The following SHROOM4 variants were observed in gnomAD, a reference collection of about 807,000 sequenced individuals.
SHROOM4 encodes shroom family member 4, also known as protein Shroom4.
Under a neutral mutation model 80.3 loss-of-function variants are expected in SHROOM4, and 17 were observed. The ratio of observed to expected loss-of-function variants is 0.21; its 90% CI spans 0.14 to 0.32. The LOEUF (loss-of-function observed/expected upper bound fraction) is 0.32, where lower values mean the gene tolerates loss of function less well. Among genes scored for constraint, SHROOM4 ranks in the 10% least tolerant of loss-of-function variants. SHROOM4 has a pLI of 1.00. For synonymous variants in SHROOM4, 400 were observed against 437.5 expected (o/e 0.91, Z 1.07); for missense variants, 993 against 1,140.3 (o/e 0.87, Z 1.86).
In SHROOM4 at chrX:50,634,287, T is replaced by C; in HGVS notation, c.1786A>G (p.Ile596Val). 1 of 1,211,416 alleles carries C rather than the reference T, an allele frequency of 8.3e-7. No homozygotes were observed. The highest frequency in any genetic ancestry group is 1.1e-6 in the Non-Finnish European group (1 of 895,446). ...TGGAGCTGGGCCTTCCTCCTCTGAA[T>C]TTCATTACGCAGATTGGTAGCAAAA... Reference protein sequence around the residue: ...ERFATNLRNEIQRRKAQLQKS... With the variant: ...ERFATNLRNEVQRRKAQLQKS... Residue 596 changes from isoleucine (I) to valine (V), a missense_variant, in exon 4 of 9, where the codon ATT (isoleucine) becomes GTT (valine). By Grantham distance (29) the Ile-to-Val change is conservative. Coordinates refer to ENST00000376020, the MANE Select transcript of SHROOM4 (RefSeq NM_020717.5).
At position 50,764,259 on chromosome X, in the gene SHROOM4, C is replaced by T. The variant is rs782785665; in HGVS notation, c.117+49643G>A. On this transcript the variant is annotated intron_variant, in intron 1 of 8. Transcript: ENST00000376020. ...GGGATGGTAGCCCCATCTTTTTGAT[C>T]TGTACCTCCTGGTATGGAACTTCTA... Among the ~76,000 whole-genome samples, 606 of 111,060 alleles carry T rather than the reference C, an allele frequency of 5.5e-3. 2 individuals are homozygous for T. Among genetic ancestry groups the T allele is most frequent in the Non-Finnish European group, 9.2e-3 (486 of 52,961 alleles).
In SHROOM4 at chrX:50,589,735, A is replaced by G. The variant is rs781792331; in HGVS notation, c.*6960T>C. 2.1e-4 allele frequency among the ~76,000 whole-genome samples: 23 copies of G among 111,961 alleles called. No homozygotes were observed. The highest frequency in any genetic ancestry group is 3.6e-4 in the Non-Finnish European group (19 of 53,194). On this transcript the variant is annotated 3_prime_UTR_variant, in exon 9 of 9. Coordinates refer to ENST00000376020, the MANE Select transcript of SHROOM4 (RefSeq NM_020717.5). ...GCTATTATGAGTAATGCCACTTTAA[A>G]CATTCATGTTCACGCTTTTGTTTGA...
intron 5 of SHROOM4, among the ~76,000 whole-genome samples, chrX:50,622,036 T>C (rs1472753177): frequency 2.7e-5 from 3 of 112,100 alleles, no homozygotes; most frequent in Non-Finnish European, 5.6e-5. Flanking sequence ...TGTGAGTCAA[T>C]TTCTTCATCT....
chrX:50,788,540 G>A (rs1388668156), intron 1 of SHROOM4, among the ~76,000 whole-genome samples: 9 of 108,478 alleles, frequency 8.3e-5, no homozygotes, highest in East Asian at 2.9e-4. Context: ...CCCGGGAGGC[G>A]GAGCTTGCAG....
intron 6 of SHROOM4, among the ~76,000 whole-genome samples, chrX:50,605,346 A>T (rs1033317189): frequency 7.1e-5 from 8 of 112,542 alleles, no homozygotes. Flanking sequence ...AATCAAAAAA[A>T]TTAGCTATTT....
chrX:50,651,845 T>G, intron 2 of SHROOM4, among the ~76,000 whole-genome samples: 1 of 110,727 alleles, frequency 9.0e-6, no homozygotes, highest in Non-Finnish European at 1.9e-5. Flanking sequence ...TGGTTTTCTG[T>G]TCCTGTGTTA....
At chrX:50,797,285 A>T (rs782217110) in intron 1 of SHROOM4, among the ~76,000 whole-genome samples, 1 of 111,876 alleles carries the variant, frequency 8.9e-6, no homozygotes, top group East Asian at 2.8e-4. Flanking sequence ...AATGCCAATG[A>T]CTAGCAATAC....
At chrX:50,773,512 C>T (rs1557269873) in intron 1 of SHROOM4, among the ~76,000 whole-genome samples, 1 of 112,232 alleles carries the variant, frequency 8.9e-6, no homozygotes, top group Non-Finnish European at 1.9e-5. Flanking sequence ...ACAACAGATA[C>T]AGTACTGTAC....
intron 1 of SHROOM4, among the ~76,000 whole-genome samples, chrX:50,745,050 G>T (rs1338024470): frequency 9.0e-6 from 1 of 111,550 alleles, no homozygotes; most frequent in Non-Finnish European, 1.9e-5. Context: ...TTCAAATAGG[G>T]TTTAGCAGCT....
intron 1 of SHROOM4, among the ~76,000 whole-genome samples, chrX:50,704,780 GA>G (rs1933614495): frequency 9.0e-6 from 1 of 110,979 alleles, no homozygotes; most frequent in Admixed American, 9.6e-5. Context: ...GACGAAGGGA[GA>G]GGGGGTTTGT....
chrX:50,633,884 G>C lies in SHROOM4; in HGVS notation c.2189C>G (p.Pro730Arg). 8.3e-7 allele frequency: 1 copy of C among 1,211,836 alleles called. No homozygotes were observed. The highest frequency in any genetic ancestry group is 1.1e-6 in the Non-Finnish European group (1 of 895,522). The part of the protein sequence containing the change: ...GVRGGHWRWS[P>R]EHNSQPLVAA... ...CACAAGTGGCTGTGAATTATGCTCTGGAGACCATCTCCAATGACCTCCACG... is the reference window on the plus strand; with the variant it reads ...CACAAGTGGCTGTGAATTATGCTCTCGAGACCATCTCCAATGACCTCCACG... Residue 730 changes from proline to arginine, a missense_variant, in exon 4 of 9, where the codon CCA becomes CGA. Pro to Arg is a moderately radical substitution (Grantham distance 103). Transcript: ENST00000376020.
In SHROOM4 at chrX:50,630,673, A is replaced by G. The variant is rs952462287; in HGVS notation, c.2895+2505T>C. The stretch of plus-strand genomic sequence containing the variant: ...CCTAGATTCTACAATTAACATTTTG[A>G]TATATTTGCCTTATCATATATCCAT... On this transcript the variant is annotated intron_variant, in intron 4 of 8. Coordinates refer to ENST00000376020, the MANE Select transcript of SHROOM4 (RefSeq NM_020717.5). Among the ~76,000 whole-genome samples, 3 of 111,976 alleles carry G rather than the reference A, an allele frequency of 2.7e-5. No individual in the cohort carries two copies. The Admixed American group carries it at 2.8e-4, about 11-fold the overall frequency.
intron 2 of SHROOM4, among the ~76,000 whole-genome samples, chrX:50,650,332 A>T (rs1557258503): frequency 8.9e-6 from 1 of 111,903 alleles, no homozygotes; most frequent in Non-Finnish European, 1.9e-5. Flanking sequence ...TACACCACAC[A>T]TGTATTACCT....
Position 50,635,254 on chromosome X carries a change from T to A in SHROOM4, c.819A>T (p.Pro273=), listed in dbSNP as rs1557255661. 1.7e-6 allele frequency: 2 copies of A among 1,203,023 alleles called. No individual in the cohort carries two copies. Among genetic ancestry groups the A allele is most frequent in the Non-Finnish European group, 2.2e-6 (2 of 891,024 alleles). The change falls in exon 4 of 9, where the codon CCA becomes CCT. Residue 273 remains proline, a synonymous_variant. Coordinates refer to ENST00000376020, the MANE Select transcript of SHROOM4 (RefSeq NM_020717.5). ...QSGPAKAVRG[P]PQPPVRRDSL... is the part of the protein sequence containing the mutation. ...TGTCCCGCCTCACTGGAGGTTGTGGTGGGCCCCTGACTGCTTTGGCGGGCC... is the reference window on the plus strand; with the variant it reads ...TGTCCCGCCTCACTGGAGGTTGTGGAGGGCCCCTGACTGCTTTGGCGGGCC...
chrX:50,752,197 TC>T (rs1934937808), intron 1 of SHROOM4, among the ~76,000 whole-genome samples: 1 of 112,240 alleles, frequency 8.9e-6, no homozygotes, highest in Non-Finnish European at 1.9e-5. Flanking sequence ...TGCACATGGT[TC>T]TTCAACAGAA....
intron 1 of SHROOM4, among the ~76,000 whole-genome samples, chrX:50,701,228 TGC>T (rs1421628968): frequency 9.0e-6 from 1 of 111,672 alleles, no homozygotes; most frequent in African/African-American, 3.3e-5. Context: ...CTCAGCCCAG[TGC>T]CACCAGCTCT....
chrX:50,689,959 A>AT (rs1364884374), intron 2 of SHROOM4, among the ~76,000 whole-genome samples: 3 of 111,944 alleles, frequency 2.7e-5, no homozygotes, highest in Non-Finnish European at 5.6e-5. Flanking sequence ...TTCAAAAACA[A>AT]TGTGAATAAT....
rs1337049348 is a variant in SHROOM4, at chrX:50,587,350, C to T, written c.*9345G>A. Among the ~76,000 whole-genome samples, 11 of 111,917 alleles carry T rather than the reference C, an allele frequency of 9.8e-5. No individual in the cohort carries two copies. The highest frequency in any genetic ancestry group is 8.5e-4 in the Admixed American group (9 of 10,548). ...TATATTCCTCAAAATATTAAGAATACGATGACCATATGATGCAGAGATTCT... is the reference window on the plus strand; with the variant it reads ...TATATTCCTCAAAATATTAAGAATATGATGACCATATGATGCAGAGATTCT... On this transcript the variant is annotated 3_prime_UTR_variant, in exon 9 of 9. Coordinates refer to ENST00000376020, the MANE Select transcript of SHROOM4 (RefSeq NM_020717.5).
chrX:50,638,911 T>A (rs1256077245), intron 2 of SHROOM4, among the ~76,000 whole-genome samples: 2 of 112,564 alleles, frequency 1.8e-5, no homozygotes, highest in Non-Finnish European at 3.8e-5. Flanking sequence ...GGGATAGGTA[T>A]TGACAGAGTG....
Sources: allele counts gnomAD v4.1 joint callset (sites outside exome capture counted in the v4.1 genomes callset), GRCh38; gene constraint gnomAD v4.1.1; transcripts MANE v1.5; gene names NCBI Gene and HGNC (gene_info 2026-07-23, HGNC 2026-07-21).